ATP6V0E1: variants seen among roughly 807,000 people sequenced by gnomAD.
ATP6V0E1 encodes V-type proton ATPase subunit e 1.
A neutral mutation model predicts 11.6 loss-of-function variants in ATP6V0E1; 4 were observed. That is an observed-to-expected ratio of 0.35 (90% CI 0.17 to 0.79). ATP6V0E1 has a LOEUF of 0.79. Among genes scored for constraint, ATP6V0E1 ranks in the 30% least tolerant of loss-of-function variants. ATP6V0E1 has a pLI of 0.54. For synonymous variants in ATP6V0E1, 36 were observed against 34.8 expected (o/e 1.04, Z -0.13); for missense variants, 105 against 100.0 (o/e 1.05, Z -0.21).
At chr5:172,990,639 C>G (rs1373462627) in intron 1 of ATP6V0E1, among the ~76,000 whole-genome samples, 1 of 151,804 alleles carries the variant, frequency 6.6e-6, no homozygotes, top group Non-Finnish European at 1.5e-5. Flanking sequence ...CCAGCCTGGC[C>G]AACATGGTGA....
At chr5:173,032,986 C>T (rs1756688416) in intron 3 of ATP6V0E1, among the ~76,000 whole-genome samples, 1 of 152,180 alleles carries the variant, frequency 6.6e-6, no homozygotes, top group African/African-American at 2.4e-5. Flanking sequence ...GTCCCAGCTA[C>T]TTGGGAGGCT....
chr5:173,031,968 A>G (rs989048071), intron 3 of ATP6V0E1, among the ~76,000 whole-genome samples: 1 of 151,874 alleles, frequency 6.6e-6, no homozygotes, highest in African/African-American at 2.4e-5. Flanking sequence ...AACATGGTGA[A>G]ACCCCATCTC....
chr5:173,003,966 A>G (rs1756192765), intron 2 of ATP6V0E1, among the ~76,000 whole-genome samples: 1 of 152,214 alleles, frequency 6.6e-6, no homozygotes, highest in African/African-American at 2.4e-5. Flanking sequence ...AACATCCTGT[A>G]CTGCACAGGA....
At chr5:173,024,866 CAG>C (rs1220246885) in intron 3 of ATP6V0E1, among the ~76,000 whole-genome samples, 2 of 132,384 alleles carry the variant, frequency 1.5e-5, no homozygotes, top group Non-Finnish European at 3.1e-5. Flanking sequence ...TTTTTTGAGA[CAG>C]AATCTCGCTC....
At chr5:173,006,115 A>G (rs1012827250) in intron 2 of ATP6V0E1, among the ~76,000 whole-genome samples, 3 of 151,248 alleles carry the variant, frequency 2.0e-5, no homozygotes, top group South Asian at 2.1e-4. Context: ...CAAATTTTCT[A>G]TGTCCTTATT....
At position 173,012,709 on chromosome 5, in the gene ATP6V0E1, G is replaced by A. The variant is rs147083152; in HGVS notation, c.153-7529G>A. 5.3e-3 allele frequency among the ~76,000 whole-genome samples: 805 copies of A among 151,260 alleles called. 11 individuals carry two copies. The highest frequency in any genetic ancestry group is 0.019 in the African/African-American group (763 of 41,164). ...ATGAAGGTTGCCATGAGCTGAGATC[G>A]CGTGCCATTCCACTCCAGGCTGGGC... is the stretch of plus-strand genomic sequence containing the variant. On this transcript the variant is annotated intron_variant, in intron 2 of 3. Coordinates refer to ENST00000519374, the MANE Select transcript of ATP6V0E1 (RefSeq NM_003945.4).
At chr5:173,031,197 G>T (rs1229634186) in intron 3 of ATP6V0E1, among the ~76,000 whole-genome samples, 2 of 151,760 alleles carry the variant, frequency 1.3e-5, no homozygotes, top group African/African-American at 2.4e-5. Flanking sequence ...GCCCGCCTCG[G>T]CTTCCCAAAG....
chr5:172,997,706 G>A (rs1427552867), intron 2 of ATP6V0E1, among the ~76,000 whole-genome samples: 2 of 152,128 alleles, frequency 1.3e-5, no homozygotes, highest in African/African-American at 4.8e-5. Context: ...CCAGCTACTT[G>A]GGAGGTTGAG....
At chr5:173,018,615 G>C (rs561681851) in intron 2 of ATP6V0E1, among the ~76,000 whole-genome samples, 12 of 151,600 alleles carry the variant, frequency 7.9e-5, no homozygotes, top group Admixed American at 1.3e-4. Flanking sequence ...ATAATGCCCC[G>C]TCAAGCCACT....
rs550726904 is a variant in ATP6V0E1 at position 172,996,200 on chromosome 5, G to A, written c.152+1378G>A. On this transcript the variant is annotated intron_variant, in intron 2 of 3. Transcript: ENST00000519374. ...AATAGAAAATTTACCATATAGCTGT[G>A]ATTTAAAATAGCTGTGATTTAAAGA... is the stretch of plus-strand genomic sequence containing the variant. Among the ~76,000 whole-genome samples the A allele has an allele frequency of 5.3e-5, 8 of 152,222 alleles. No homozygotes were observed. In the East Asian group the frequency reaches 1.5e-3, roughly 29 times the overall value.
At chr5:173,005,159 C>CA (rs1756210628) in intron 2 of ATP6V0E1, among the ~76,000 whole-genome samples, 13 of 135,364 alleles carry the variant, frequency 9.6e-5, no homozygotes, top group Admixed American at 4.2e-4. Flanking sequence ...GCAGTTTCTA[C>CA]GAAAAAAAAA....
intron 2 of ATP6V0E1, among the ~76,000 whole-genome samples, chr5:173,012,177 A>C (rs1756336050): frequency 6.6e-6 from 1 of 151,628 alleles, no homozygotes; most frequent in Non-Finnish European, 1.5e-5. Context: ...TACTACATCC[A>C]TGTGCTACTG....
At chr5:173,008,990 C>T (rs188222137) in intron 2 of ATP6V0E1, among the ~76,000 whole-genome samples, 17 of 148,952 alleles carry the variant, frequency 1.1e-4, no homozygotes, top group Admixed American at 8.8e-4. Flanking sequence ...CTTTGGGAGG[C>T]GAAGGCTGGC....
At chr5:173,033,117 A>G (rs1561778937) in intron 3 of ATP6V0E1, among the ~76,000 whole-genome samples, 2 of 152,144 alleles carry the variant, frequency 1.3e-5, no homozygotes, top group African/African-American at 4.8e-5. Context: ...TTTATTGATT[A>G]GAGACAGGGT....
intron 2 of ATP6V0E1, 53 bp downstream of exon 2, chr5:172,994,875 T>A (rs1386500428): frequency 3.5e-6 from 5 of 1,414,748 alleles, no homozygotes; most frequent in Non-Finnish European, 4.9e-6. Context: ...TGTGTGCGAT[T>A]TACACATTTG....
chr5:173,006,539 G>A (rs1056862524), intron 2 of ATP6V0E1, among the ~76,000 whole-genome samples: 1 of 152,110 alleles, frequency 6.6e-6, no homozygotes, highest in Non-Finnish European at 1.5e-5. Flanking sequence ...GAACCCGGGA[G>A]GCGGAGGTCG....
At chr5:173,001,073 G>A (rs1756144109) in intron 2 of ATP6V0E1, among the ~76,000 whole-genome samples, 1 of 152,024 alleles carries the variant, frequency 6.6e-6, no homozygotes, top group Non-Finnish European at 1.5e-5. Flanking sequence ...TTCCTTACAG[G>A]GCTGGTATAG....
intron 2 of ATP6V0E1, among the ~76,000 whole-genome samples, chr5:173,005,200 G>A (rs1756211821): frequency 3.3e-5 from 5 of 151,224 alleles, no homozygotes; most frequent in Admixed American, 3.3e-4. Flanking sequence ...TTGGGATTGT[G>A]TTGAATATAT....
intron 2 of ATP6V0E1, among the ~76,000 whole-genome samples, chr5:173,013,901 C>T (rs1756366802): frequency 1.3e-5 from 2 of 152,058 alleles, no homozygotes; most frequent in African/African-American, 4.8e-5. Context: ...TGCCTATAAT[C>T]CCAGCACTTT....
Sources: gnomAD v4.1 joint callset for allele counts (sites outside exome capture counted in the v4.1 genomes callset) on GRCh38, gnomAD v4.1.1 for gene constraint, MANE v1.5 for transcripts, NCBI Gene and HGNC (gene_info 2026-07-23, HGNC 2026-07-21) for gene names.